ARFGEF3: variants seen among roughly 807,000 people sequenced by gnomAD.
ARFGEF3 encodes the protein brefeldin A-inhibited guanine nucleotide-exchange protein 3.
ARFGEF3 carries 96 observed loss-of-function variants against 221.7 expected under a neutral mutation model. The observed-to-expected ratio is 0.43, with a 90% CI of 0.37 to 0.51. The LOEUF (loss-of-function observed/expected upper bound fraction) is 0.51, where lower values mean the gene tolerates loss of function less well. ARFGEF3 is among the 20% of genes least tolerant of loss of function. The probability of loss-of-function intolerance (pLI) is 0.00; values close to 1 mark genes in which losing one functional copy is unlikely to be tolerated. For missense variants in ARFGEF3, 2,410 were observed against 2,789.9 expected (o/e 0.86, Z 3.07); for synonymous variants, 1,145 against 1,126.8 (o/e 1.02, Z -0.32).
chr6:138,195,539 A>G (rs371672773), intron 2 of ARFGEF3, among the ~76,000 whole-genome samples: 17 of 152,290 alleles, frequency 1.1e-4, no homozygotes, highest in Middle Eastern at 3.4e-3. Context: ...ATATTTTTGT[A>G]TAACATTTTC....
intron 33 of ARFGEF3, 58 bp downstream of exon 33, chr6:138,335,246 GC>G (rs911206154): frequency 4.0e-5 from 58 of 1,456,886 alleles, no homozygotes; most frequent in South Asian, 1.3e-4. Flanking sequence ...TACTGGATGG[GC>G]CCCCCCTTGC....
At chr6:138,229,901 T>C in intron 5 of ARFGEF3, 49 bp downstream of exon 5, 1 of 1,420,726 alleles carries the variant, frequency 7.0e-7, no homozygotes, top group Non-Finnish European at 9.9e-7. Flanking sequence ...GCTTTATCTC[T>C]GACTGGGATA....
intron 25 of ARFGEF3, 41 bp from the exon 26 acceptor site, chr6:138,313,754 T>C (rs1039831618): frequency 1.9e-6 from 3 of 1,561,604 alleles, no homozygotes; most frequent in African/African-American, 2.7e-5. Flanking sequence ...TGCAGCTTTT[T>C]CCAACATATA....
chr6:138,300,586 G>C (rs951158561), intron 22 of ARFGEF3, among the ~76,000 whole-genome samples: 4 of 152,194 alleles, frequency 2.6e-5, no homozygotes, highest in African/African-American at 9.6e-5. Context: ...CCTAAAAATA[G>C]AATCTACTAA....
chr6:138,224,818 A>G (rs1778049938), intron 4 of ARFGEF3, among the ~76,000 whole-genome samples: 1 of 152,250 alleles, frequency 6.6e-6, no homozygotes, highest in Admixed American at 6.5e-5. Flanking sequence ...TGCTATAGGA[A>G]TAAGTGTTTT....
intron 6 of ARFGEF3, 35 bp downstream of exon 6, chr6:138,238,666 C>T (rs1308440443): frequency 6.2e-7 from 1 of 1,605,276 alleles, no homozygotes; most frequent in Non-Finnish European, 8.5e-7. Context: ...CATCACCTTC[C>T]TGGTGGTGTC....
chr6:138,208,706 A>T (rs1483565225), intron 3 of ARFGEF3, among the ~76,000 whole-genome samples: 1 of 152,210 alleles, frequency 6.6e-6, no homozygotes, highest in African/African-American at 2.4e-5. Context: ...TGCCTCATTC[A>T]CAGGCATAGA....
chr6:138,199,558 G>A (rs1777496133), intron 2 of ARFGEF3, among the ~76,000 whole-genome samples: 1 of 152,184 alleles, frequency 6.6e-6, no homozygotes, highest in African/African-American at 2.4e-5. Flanking sequence ...TCTTTCAGTA[G>A]TGTTTTGTAG....
chr6:138,333,853 G>A (rs1359600582), intron 32 of ARFGEF3, 117 bp from the exon 33 acceptor site: 16 of 1,122,368 alleles, frequency 1.4e-5, no homozygotes, highest in Non-Finnish European at 1.9e-5. Flanking sequence ...TTGAGTAGAG[G>A]TAGTTTAGTT....
chr6:138,265,105 G>T (rs530749394), intron 12 of ARFGEF3, among the ~76,000 whole-genome samples: 9 of 152,104 alleles, frequency 5.9e-5, no homozygotes, highest in East Asian at 5.8e-4. Context: ...GGGTTTCGCT[G>T]TGTTAGCCAG....
intron 2 of ARFGEF3, among the ~76,000 whole-genome samples, chr6:138,200,874 C>T (rs951059551): frequency 2.6e-5 from 4 of 152,178 alleles, no homozygotes; most frequent in African/African-American, 9.7e-5. Context: ...GAATAGTCAG[C>T]AGAGTAAACA....
intron 31 of ARFGEF3, among the ~76,000 whole-genome samples, chr6:138,327,440 C>T (rs56036778): frequency 0.032 from 4,807 of 152,078 alleles, 97 homozygotes; most frequent in Non-Finnish European, 0.045. Flanking sequence ...CAGAGTGAGA[C>T]CCTGTTTCAA....
At chr6:138,173,114 A>G (rs934726560) in intron 2 of ARFGEF3, among the ~76,000 whole-genome samples, 2 of 152,178 alleles carry the variant, frequency 1.3e-5, no homozygotes, top group African/African-American at 4.8e-5. Flanking sequence ...GAAAAATAAC[A>G]ATACAGCATT....
At chr6:138,306,071 T>C (rs917708775) in intron 22 of ARFGEF3, among the ~76,000 whole-genome samples, 2 of 152,050 alleles carry the variant, frequency 1.3e-5, no homozygotes, top group African/African-American at 4.8e-5. Flanking sequence ...CAACATAGGG[T>C]TGTATATAGA....
At chr6:138,294,954 C>A (rs148724149) in intron 20 of ARFGEF3, among the ~76,000 whole-genome samples, 156 of 152,298 alleles carry the variant, frequency 1.0e-3, no homozygotes, top group African/African-American at 3.6e-3. Flanking sequence ...TTCACCCTTG[C>A]TGCAGATTTA....
In ARFGEF3 at chr6:138,170,558, A is replaced by G. The variant is rs1342008605; in HGVS notation, c.86-104A>G. On this transcript the variant is annotated intron_variant, in intron 1 of 33. Transcript: ENST00000251691. The stretch of plus-strand genomic sequence containing the variant: ...ATAGTTGAGAATTGACTAGTTTATA[A>G]TTAGAGGAATTCCTGAAAAGAGAAA... 6 of 661,704 alleles carry G rather than the reference A, an allele frequency of 9.1e-6. No individual in the cohort carries two copies. In the African/African-American group the frequency reaches 1.1e-4, roughly 12 times the overall value. 41.0% of individuals were successfully genotyped at this position (661,704 alleles called of 1,614,324 possible).
Position 138,245,525 on chromosome 6 carries a change from A to G in ARFGEF3, c.599A>G (p.Glu200Gly). The G allele has an allele frequency of 6.2e-7, 1 of 1,611,100 alleles. No individual in the cohort carries two copies. The highest frequency in any genetic ancestry group is 8.5e-7 in the Non-Finnish European group (1 of 1,178,692). ...QDFGNQGSTV[E>G]SLCDDVVSVL... ...CTCTGTTTTGAAGGGTCAACAGTAG[A>G]GTCCCTCTGTGATGATGTTGTCTCT... The change falls in exon 8 of 34, where the codon GAG becomes GGG. Residue 200 changes from glutamate (E) to glycine (G), a missense_variant. Coordinates refer to ENST00000251691, the MANE Select transcript of ARFGEF3 (RefSeq NM_020340.5).
At chr6:138,276,138 T>C (rs1779091609) in intron 12 of ARFGEF3, among the ~76,000 whole-genome samples, 1 of 149,476 alleles carries the variant, frequency 6.7e-6, no homozygotes, top group Admixed American at 6.7e-5. Context: ...TGGCTGGTAT[T>C]GCCTGTGGGG....
Position 138,343,939 on chromosome 6 carries a change from G to A in ARFGEF3, c.*7453G>A, listed in dbSNP as rs988634360. 1 of 152,304 alleles carries A rather than the reference G, an allele frequency of 6.6e-6. No homozygotes were observed. Among genetic ancestry groups the A allele is most frequent in the African/African-American group, 2.4e-5 (1 of 41,550 alleles). The allele number at this position is 152,304 out of a possible 1,614,324, so 9.4% of individuals were successfully genotyped here. On this transcript the variant is annotated 3_prime_UTR_variant, in exon 34 of 34. Transcript: ENST00000251691. ...GATGGGGCAGGAGGAGGTGCCTAGA[G>A]GGAAAAGTTATTTTTGTTTCTTAGT... is the stretch of plus-strand genomic sequence containing the variant.
Sources: gnomAD v4.1 joint callset for allele counts (sites outside exome capture counted in the v4.1 genomes callset) on GRCh38, gnomAD v4.1.1 for gene constraint, MANE v1.5 for transcripts, NCBI Gene and HGNC (gene_info 2026-07-23, HGNC 2026-07-21) for gene names.